ARHGAP24: variants seen among roughly 807,000 people sequenced by gnomAD.
The protein encoded by ARHGAP24 is Rho GTPase activating protein 24, also known as rho GTPase-activating protein 24.
Under a neutral mutation model 76.4 loss-of-function variants are expected in ARHGAP24, and 50 were observed. That is an observed-to-expected ratio of 0.65 (90% CI 0.52 to 0.83). ARHGAP24 has a LOEUF of 0.83. Ranked by LOEUF, ARHGAP24 falls within the 40% of genes least tolerant of loss-of-function variation. The pLI, the probability that ARHGAP24 is intolerant of heterozygous loss-of-function variation, is 0.00. For missense variants in ARHGAP24, 930 were observed against 914.2 expected (o/e 1.02, Z -0.22); for synonymous variants, 345 against 323.3 (o/e 1.07, Z -0.72).
At chr4:85,894,974 A>C (rs1378866032) in intron 3 of ARHGAP24, among the ~76,000 whole-genome samples, 1 of 39,194 alleles carries the variant, frequency 2.6e-5, no homozygotes, top group African/African-American at 1.3e-4. Context: ...AAAAAAAAAA[A>C]AAAAAAAAAA....
At chr4:85,656,713 G>A (rs926361952) in intron 2 of ARHGAP24, among the ~76,000 whole-genome samples, 4 of 151,890 alleles carry the variant, frequency 2.6e-5, no homozygotes, top group South Asian at 2.1e-4. Context: ...TGATCCACCC[G>A]CCTCAGCCTC....
chr4:85,862,622 T>A (rs551425004), intron 3 of ARHGAP24, among the ~76,000 whole-genome samples: 2 of 152,074 alleles, frequency 1.3e-5, no homozygotes, highest in Non-Finnish European at 2.9e-5. Context: ...TGTCCCAGCC[T>A]TCTCCCTTGA....
At chr4:85,972,339 C>T (rs971464302) in intron 6 of ARHGAP24, 171 bp downstream of exon 6, 2 of 785,336 alleles carry the variant, frequency 2.5e-6, no homozygotes, top group East Asian at 2.7e-5. Context: ...GCACCATTTC[C>T]GATCCCCTCT....
intron 2 of ARHGAP24, among the ~76,000 whole-genome samples, chr4:85,720,542 A>G (rs1043438232): frequency 6.6e-6 from 1 of 152,192 alleles, no homozygotes; most frequent in Non-Finnish European, 1.5e-5. Context: ...ATAAGTGGAA[A>G]TGTCAAATAA....
chr4:85,704,895 T>A (rs1195048618), intron 2 of ARHGAP24, among the ~76,000 whole-genome samples: 1 of 152,106 alleles, frequency 6.6e-6, no homozygotes, highest in East Asian at 1.9e-4. Flanking sequence ...CATAAGGTAC[T>A]TTGATTGACC....
At chr4:85,612,500 A>G (rs1055965444) in intron 2 of ARHGAP24, among the ~76,000 whole-genome samples, 3 of 152,038 alleles carry the variant, frequency 2.0e-5, no homozygotes, top group African/African-American at 2.4e-5. Flanking sequence ...GCGTAATTTC[A>G]TATTTAAATA....
chr4:85,853,706 CA>C (rs1165928593), intron 3 of ARHGAP24, among the ~76,000 whole-genome samples: 1 of 152,138 alleles, frequency 6.6e-6, no homozygotes, highest in Non-Finnish European at 1.5e-5. Context: ...GTGGGCGGAT[CA>C]CAAGCTCAAG....
chr4:85,866,438 A>G (rs1388077921), intron 3 of ARHGAP24, among the ~76,000 whole-genome samples: 1 of 151,990 alleles, frequency 6.6e-6, no homozygotes, highest in East Asian at 1.9e-4. Context: ...AGTTTTTGGC[A>G]TTTTTTTGTT....
chr4:85,691,906 T>C lies in ARHGAP24; in HGVS notation c.181-29979T>C, dbSNP rs148401452. ...TGTTGTTAGCTGGTTGATTGTAGAG[T>C]TGTTGCTTTATAGTGTCTGTGGGCT... On this transcript the variant is annotated intron_variant, in intron 2 of 9. Transcript: ENST00000395184. 5.7e-3 allele frequency among the ~76,000 whole-genome samples: 869 copies of C among 152,216 alleles called. 4 individuals are homozygous for C. Among genetic ancestry groups the C allele is most frequent in the African/African-American group, 0.02 (825 of 41,530 alleles).
chr4:85,485,927 C>T (rs763702162), intron 1 of ARHGAP24, among the ~76,000 whole-genome samples: 38 of 151,948 alleles, frequency 2.5e-4, no homozygotes, highest in Non-Finnish European at 4.9e-4. Flanking sequence ...TCAGTAGAGA[C>T]GGGGTTTCAC....
intron 1 of ARHGAP24, among the ~76,000 whole-genome samples, chr4:85,545,104 T>A (rs998661380): frequency 4.9e-4 from 74 of 151,842 alleles, no homozygotes; most frequent in Non-Finnish European, 6.9e-4. Flanking sequence ...CTTTTTTTTT[T>A]AAATTTTTTA....
chr4:85,516,196 C>T (rs1043958564), intron 1 of ARHGAP24, among the ~76,000 whole-genome samples: 4 of 152,170 alleles, frequency 2.6e-5, no homozygotes, highest in Admixed American at 1.3e-4. Flanking sequence ...TGTGAGAGTG[C>T]ACCTGTGAAG....
At chr4:85,994,493 T>C (rs1740524587) in intron 8 of ARHGAP24, 90 bp from the exon 9 acceptor site, 1 of 1,229,836 alleles carries the variant, frequency 8.1e-7, no homozygotes. Context: ...ATGAATGTTC[T>C]CTTGAATGTG....
At chr4:85,573,908 G>A (rs939766892) in intron 2 of ARHGAP24, among the ~76,000 whole-genome samples, 1 of 152,002 alleles carries the variant, frequency 6.6e-6, no homozygotes, top group African/African-American at 2.4e-5. Flanking sequence ...TTTAGTCAGA[G>A]GTATTTCTTG....
intron 1 of ARHGAP24, among the ~76,000 whole-genome samples, chr4:85,521,451 T>TTAAAGTAATATATA (rs1553912107): frequency 3.3e-5 from 5 of 152,234 alleles, no homozygotes; most frequent in South Asian, 2.1e-4. Flanking sequence ...CCCTCCCTTT[T>TTAAAGTAATATATA]TATCACCTCC....
chr4:85,791,331 A>G (rs1346427842), intron 3 of ARHGAP24, among the ~76,000 whole-genome samples: 2 of 152,232 alleles, frequency 1.3e-5, no homozygotes, highest in Non-Finnish European at 2.9e-5. Flanking sequence ...AAGAAGGCAT[A>G]TTTAACGGCA....
At chr4:85,873,333 C>T (rs573425421) in intron 3 of ARHGAP24, among the ~76,000 whole-genome samples, 4 of 152,270 alleles carry the variant, frequency 2.6e-5, no homozygotes, top group East Asian at 1.9e-4. Context: ...ACATTATGGC[C>T]GCTTGATAAA....
chr4:85,721,969 C>T lies in ARHGAP24; in HGVS notation c.265C>T (p.Pro89Ser), dbSNP rs761058241. The change falls in exon 3 of 10, where the codon CCA becomes TCA. Residue 89 changes from proline to serine, a missense_variant. By Grantham distance (74) the Pro-to-Ser change is moderately conservative (BLOSUM62 -1). Transcript: ENST00000395184. The part of the protein sequence containing the change: ...NPGKFLFEVV[P>S]GGDRDRMTAN... ...AGGGAAGTTCCTTTTTGAAGTAGTT[C>T]CAGGTAAGATATTTTCCTAGTCTGA... is the stretch of plus-strand genomic sequence containing the variant. 1.9e-6 allele frequency: 3 copies of T among 1,611,992 alleles called. No homozygotes were observed. The highest frequency in any genetic ancestry group is 2.5e-6 in the Non-Finnish European group (3 of 1,178,402).
intron 1 of ARHGAP24, among the ~76,000 whole-genome samples, chr4:85,534,733 G>T (rs1219474554): frequency 6.6e-6 from 1 of 151,956 alleles, no homozygotes; most frequent in African/African-American, 2.4e-5. Flanking sequence ...GCCTCTAGTT[G>T]CCTATTTCAG....
Sources: allele counts gnomAD v4.1 joint callset (sites outside exome capture counted in the v4.1 genomes callset), GRCh38; gene constraint gnomAD v4.1.1; transcripts MANE v1.5; gene names NCBI Gene and HGNC (gene_info 2026-07-23, HGNC 2026-07-21).